Variants in TCP1 observed in about 807,000 individuals in gnomAD.
The protein encoded by TCP1 is t-complex 1, also known as T-complex protein 1 subunit alpha.
Under a neutral mutation model 54.7 loss-of-function variants are expected in TCP1, and 6 were observed. The ratio of observed to expected loss-of-function variants is 0.11; its 90% confidence interval spans 0.06 to 0.22. The LOEUF is 0.22. Ranked by LOEUF, TCP1 falls within the 10% of genes least tolerant of loss-of-function variation. The probability of loss-of-function intolerance (pLI) is 1.00; values close to 1 mark genes in which losing one functional copy is unlikely to be tolerated. For missense variants in TCP1, 511 were observed against 678.2 expected (o/e 0.75, Z 2.74); for synonymous variants, 225 against 229.7 (o/e 0.98, Z 0.19).
chr6:159,783,306 C>G (rs1780618736), intron 7 of TCP1, among the ~76,000 whole-genome samples: 1 of 150,570 alleles, frequency 6.6e-6, no homozygotes, highest in African/African-American at 2.4e-5. Context: ...CCCGTGCAGA[C>G]TGATTTAAAA....
intron 1 of TCP1, 40 bp downstream of exon 1, chr6:159,789,364 TC>T (rs751074510): frequency 9.3e-6 from 15 of 1,610,188 alleles, no homozygotes; most frequent in Non-Finnish European, 1.3e-5. Flanking sequence ...GACTCGGCCC[TC>T]CCCGGCCGCA....
chr6:159,780,386 C>T, intron 9 of TCP1, 57 bp downstream of exon 9: 2 of 1,612,216 alleles, frequency 1.2e-6, no homozygotes, highest in Non-Finnish European at 1.7e-6. Context: ...GGGAAGAAAA[C>T]CTACTTTTAC....
intron 1 of TCP1, chr6:159,789,174 G>C: frequency 1.9e-6 from 1 of 521,942 alleles, no homozygotes; most frequent in South Asian, 2.7e-5. Context: ...ACATCCACGC[G>C]TTGCCGGTCT....
intron 5 of TCP1, 33 bp downstream of exon 5, chr6:159,785,353 A>G (rs1583142214): frequency 6.5e-7 from 1 of 1,537,284 alleles, no homozygotes. Context: ...TGCTTTAAAA[A>G]GTCTAAATTT....
chr6:159,786,543 T>C (rs1780701447), intron 3 of TCP1, among the ~76,000 whole-genome samples: 2 of 152,240 alleles, frequency 1.3e-5, no homozygotes, highest in South Asian at 2.1e-4. Flanking sequence ...TATTAAGCTA[T>C]TATTTTATTT....
intron 7 of TCP1, among the ~76,000 whole-genome samples, chr6:159,782,769 G>C (rs1297751131): frequency 6.6e-6 from 1 of 151,996 alleles, no homozygotes; most frequent in Non-Finnish European, 1.5e-5. Flanking sequence ...GGCATAGAGA[G>C]ATAATACATG....
intron 7 of TCP1, among the ~76,000 whole-genome samples, chr6:159,783,132 T>C (rs1003177683): frequency 6.6e-6 from 1 of 152,010 alleles, no homozygotes; most frequent in Non-Finnish European, 1.5e-5. Context: ...ACAGGAAGAA[T>C]CCAGGAAAGA....
At chr6:159,785,538 T>C in intron 4 of TCP1, 42 bp from the exon 5 acceptor site, 1 of 1,439,132 alleles carries the variant, frequency 6.9e-7, no homozygotes, top group Non-Finnish European at 9.8e-7. Context: ...ATAAAGTCAC[T>C]ACTCAAACTC....
At chr6:159,785,060 C>G (rs1274128218) in intron 5 of TCP1, 1 of 621,660 alleles carries the variant, frequency 1.6e-6, no homozygotes, top group Non-Finnish European at 2.8e-6. Context: ...CCTAAAAAAG[C>G]AGGGAAGGCA....
chr6:159,789,469 C>T lies in TCP1; in HGVS notation c.-1G>A. On this transcript the variant is annotated 5_prime_UTR_variant, in exon 1 of 12. Coordinates refer to ENST00000321394, the MANE Select transcript of TCP1 (RefSeq NM_030752.3). ...CGAACACGGACAAAGGCCCCTCCATCTTGACGGCAGCGATACACGTCGAAT... is the reference window on the plus strand; with the variant it reads ...CGAACACGGACAAAGGCCCCTCCATTTTGACGGCAGCGATACACGTCGAAT... 1 of 1,613,904 alleles carries T rather than the reference C, an allele frequency of 6.2e-7. No individual in the cohort carries two copies. The highest frequency in any genetic ancestry group is 2.2e-5 in the East Asian group (1 of 44,866).
chr6:159,784,307 ATTTT>A (rs5881340), intron 6 of TCP1, among the ~76,000 whole-genome samples: 2 of 144,024 alleles, frequency 1.4e-5, no homozygotes, highest in Admixed American at 6.9e-5. Context: ...AACATTTTTT[ATTTT>A]TTTTTTTTTT....
chr6:159,786,082 A>G (rs1780689917), intron 3 of TCP1, 85 bp from the exon 4 acceptor site: 2 of 1,035,656 alleles, frequency 1.9e-6, no homozygotes, highest in Non-Finnish European at 1.5e-6. Context: ...ATGGCCATAT[A>G]TTATTAACCA....
Position 159,783,979 on chromosome 6 carries a change from G to A in TCP1, c.759C>T (p.Val253=), listed in dbSNP as rs1780635042. 2 of 1,612,060 alleles carry A rather than the reference G, an allele frequency of 1.2e-6. No individual in the cohort carries two copies. Among genetic ancestry groups the A allele is most frequent in the Non-Finnish European group, 1.7e-6 (2 of 1,179,900 alleles). The change falls in exon 7 of 12, where the codon GTC becomes GTT. Residue 253 remains valine (V), a synonymous_variant. Transcript: ENST00000321394. Reference sequence around the variant, plus strand: ...GGTCCAGTTTTTCAGGGTCTGTAATGACCACCTGTACACCAAGCTTCATTT... The same window carrying A: ...GGTCCAGTTTTTCAGGGTCTGTAATAACCACCTGTACACCAAGCTTCATTT... The part of the protein sequence containing the change: ...KTKMKLGVQV[V]ITDPEKLDQI...
intron 5 of TCP1, 67 bp downstream of exon 5, chr6:159,785,319 C>A: frequency 8.2e-7 from 1 of 1,213,042 alleles, no homozygotes; most frequent in South Asian, 1.2e-5. Context: ...AGGCACATAC[C>A]ACCATGCCCA....
chr6:159,779,446 TAATA>T (rs1780519202), intron 11 of TCP1, 177 bp downstream of exon 11: 2 of 963,802 alleles, frequency 2.1e-6, no homozygotes, highest in African/African-American at 1.7e-5. Context: ...ACACCAGTGC[TAATA>T]ATTAGTCATT....
chr6:159,788,350 G>T, intron 1 of TCP1: 1 of 502,488 alleles, frequency 2.0e-6, no homozygotes. Flanking sequence ...AACACTGCGA[G>T]GCCGAGGCAG....
chr6:159,780,161 CA>C (rs897069328), intron 9 of TCP1, 74 bp from the exon 10 acceptor site: 175 of 1,523,908 alleles, frequency 1.1e-4, no homozygotes, highest in African/African-American at 5.2e-4. Flanking sequence ...ATCAATTTCT[CA>C]AAAAAAATGG....
intron 3 of TCP1, among the ~76,000 whole-genome samples, chr6:159,787,410 C>A (rs998540698): frequency 6.6e-6 from 1 of 152,080 alleles, no homozygotes; most frequent in African/African-American, 2.4e-5. Context: ...CTGAATACTG[C>A]CATAAAAGGA....
In TCP1 at chr6:159,778,844, G is replaced by A. The variant is rs1780499408; in HGVS notation, c.*201C>T. 6.2e-7 allele frequency: 1 copy of A among 1,613,774 alleles called. No homozygotes were observed. The highest frequency in any genetic ancestry group is 8.5e-7 in the Non-Finnish European group (1 of 1,179,826). On this transcript the variant is annotated 3_prime_UTR_variant, in exon 12 of 12. Transcript: ENST00000321394. Reference sequence around the variant, plus strand: ...AGAGAGAATGAATTGCTTAAACTTTGAACAACCTCAATTTCTTTTTAAACT... The same window carrying A: ...AGAGAGAATGAATTGCTTAAACTTTAAACAACCTCAATTTCTTTTTAAACT...
Sources: allele counts gnomAD v4.1 joint callset (sites outside exome capture counted in the v4.1 genomes callset), GRCh38; gene constraint gnomAD v4.1.1; transcripts MANE v1.5; gene names NCBI Gene and HGNC (gene_info 2026-07-23, HGNC 2026-07-21).